The following AGAP1 variants were observed in gnomAD, a reference collection of about 807,000 sequenced individuals.
AGAP1 encodes the protein arf-GAP with GTPase, ANK repeat and PH domain-containing protein 1.
In AGAP1, 29 loss-of-function variants were observed where a neutral mutation model predicts 105.3. The observed-to-expected ratio is 0.28, with a 90% CI of 0.21 to 0.38. The LOEUF (loss-of-function observed/expected upper bound fraction) is 0.38. AGAP1 is among the 10% of genes least tolerant of loss of function. The pLI, the probability that AGAP1 is intolerant of heterozygous loss-of-function variation, is 1.00. For missense variants in AGAP1, 998 were observed against 1,165.1 expected, an observed-to-expected ratio of 0.86 and a Z score of 2.09; for synonymous variants, 509 against 485.9, an observed-to-expected ratio of 1.05 and a Z score of -0.63.
chr2:235,955,609 G>GA (rs1476613832), intron 12 of AGAP1, among the ~76,000 whole-genome samples: 4 of 152,188 alleles, frequency 2.6e-5, no homozygotes, highest in Non-Finnish European at 5.9e-5. Flanking sequence ...TGTTAAAGAA[G>GA]AAAAGAATCC....
At chr2:235,698,662 C>T (rs1003159063) in intron 1 of AGAP1, among the ~76,000 whole-genome samples, 1 of 152,182 alleles carries the variant, frequency 6.6e-6, no homozygotes, top group African/African-American at 2.4e-5. Context: ...CAATGTTCTA[C>T]CGCTTCTTAG....
chr2:236,111,007 G>T (rs2059625824), intron 16 of AGAP1, among the ~76,000 whole-genome samples: 1 of 152,098 alleles, frequency 6.6e-6, no homozygotes, highest in South Asian at 2.1e-4. Context: ...AGCCCCCTCG[G>T]GCCTCTTTTA....
At chr2:235,920,542 TG>T (rs1230943304) in intron 11 of AGAP1, among the ~76,000 whole-genome samples, 3 of 152,098 alleles carry the variant, frequency 2.0e-5, no homozygotes, top group Admixed American at 6.5e-5. Context: ...TGCTGGAAGA[TG>T]GGGGGTGCCG....
intron 1 of AGAP1, among the ~76,000 whole-genome samples, chr2:235,707,523 G>A (rs1950602719): frequency 1.1e-5 from 1 of 94,180 alleles, no homozygotes; most frequent in African/African-American, 3.9e-5. Context: ...CCCCCACTCT[G>A]TGACCTGGTG....
chr2:235,925,196 G>A (rs1023089301), intron 11 of AGAP1, among the ~76,000 whole-genome samples: 1 of 152,120 alleles, frequency 6.6e-6, no homozygotes, highest in Admixed American at 6.5e-5. Context: ...TGGTGAATTA[G>A]GACCACTTGT....
At position 235,662,638 on chromosome 2, in the gene AGAP1, CTGGG is replaced by C. The variant is rs1233953294; in HGVS notation, c.164-46540_164-46537del. Reference sequence around the variant, plus strand: ...TTTTCTGCCTCAGCCTCCCAAGTAGCTGGGATTACAGGTGTGTGCCACCACACCT... The same window carrying C: ...TTTTCTGCCTCAGCCTCCCAAGTAGCATTACAGGTGTGTGCCACCACACCT... On this transcript the variant is annotated intron_variant, in intron 1 of 17. Transcript: ENST00000304032. This position sits in a 1 kb window ranked among gnomAD's most constrained non-coding sequence, Gnocchi z 4.2. Among the ~76,000 whole-genome samples, 1 of 151,690 alleles carries C rather than the reference CTGGG, an allele frequency of 6.6e-6. No homozygotes were observed. The highest frequency in any genetic ancestry group is 1.9e-4 in the East Asian group (1 of 5,152).
At chr2:235,715,580 A>G (rs930592326) in intron 2 of AGAP1, among the ~76,000 whole-genome samples, 1 of 152,290 alleles carries the variant, frequency 6.6e-6, no homozygotes, top group East Asian at 1.9e-4. Context: ...GGAAGGAGAC[A>G]GTTTGTTCCT....
Position 235,741,567 on chromosome 2 carries a change from T to C in AGAP1, c.396+519T>C, listed in dbSNP as rs192197642. Among the ~76,000 whole-genome samples the C allele has an allele frequency of 1.1e-4, 17 of 152,326 alleles. No homozygotes were observed. The highest frequency in any genetic ancestry group is 2.6e-4 in the Admixed American group (4 of 15,308). Reference sequence around the variant, plus strand: ...CCGGTATGAAGCATATTATGATTTCTTTGGAAGTTCCTGGAAAGATGGTCA... The same window carrying C: ...CCGGTATGAAGCATATTATGATTTCCTTGGAAGTTCCTGGAAAGATGGTCA... On this transcript the variant is annotated intron_variant, in intron 4 of 17. Coordinates refer to ENST00000304032, the MANE Select transcript of AGAP1 (RefSeq NM_001037131.3). This position sits in a 1 kb window ranked among gnomAD's most constrained non-coding sequence, Gnocchi z 4.9.
Position 236,009,778 on chromosome 2 carries a change from T to G in AGAP1, c.1646-26783T>G, listed in dbSNP as rs1426442461. 6.6e-6 allele frequency among the ~76,000 whole-genome samples: 1 copy of G among 152,208 alleles called. No individual in the cohort carries two copies. The highest frequency in any genetic ancestry group is 1.5e-5 in the Non-Finnish European group (1 of 68,028). On this transcript the variant is annotated intron_variant, in intron 13 of 17. Transcript: ENST00000304032. The surrounding 1 kb of genome is among the most constrained non-coding windows in gnomAD (Gnocchi z 4.2). ...CCCTGCTCGGTTCACGCCAAGGATG[T>G]AATTCATGCACACTTGGACGTCCAA... is the stretch of plus-strand genomic sequence containing the variant.
At chr2:235,591,669 G>T (rs150330828) in intron 1 of AGAP1, among the ~76,000 whole-genome samples, 1 of 152,176 alleles carries the variant, frequency 6.6e-6, no homozygotes, top group Non-Finnish European at 1.5e-5. Flanking sequence ...CCTAGTGCAG[G>T]TGCTTGGGTC....
Position 235,908,202 on chromosome 2 carries a change from G to A in AGAP1, c.1156-536G>A, listed in dbSNP as rs184098205. On this transcript the variant is annotated intron_variant, in intron 10 of 17. Coordinates refer to ENST00000304032, the MANE Select transcript of AGAP1 (RefSeq NM_001037131.3). This position sits in a 1 kb window ranked among gnomAD's most constrained non-coding sequence, Gnocchi z 4.4. ...TTGCTGCTGGTCATTTGCTTCCAAG[G>A]CCTAGAAAGCCAGATACCCCTTGGA... Among the ~76,000 whole-genome samples, 577 of 152,210 alleles carry A rather than the reference G, an allele frequency of 3.8e-3. 2 individuals are homozygous for A. Among genetic ancestry groups the A allele is most frequent in the Middle Eastern group, 6.8e-3 (2 of 294 alleles).
intron 13 of AGAP1, among the ~76,000 whole-genome samples, chr2:236,033,755 A>C (rs1162436421): frequency 6.6e-6 from 1 of 152,244 alleles, no homozygotes; most frequent in African/African-American, 2.4e-5. Flanking sequence ...CATACAGTGT[A>C]ATACAAGCTC....
At chr2:236,106,224 T>C (rs2059486933) in intron 16 of AGAP1, among the ~76,000 whole-genome samples, 1 of 152,254 alleles carries the variant, frequency 6.6e-6, no homozygotes, top group South Asian at 2.1e-4. Flanking sequence ...GGAGAGGACC[T>C]TGGTTTTAGA....
At chr2:235,670,750 C>A in intron 1 of AGAP1, 1 of 996,622 alleles carries the variant, frequency 1.0e-6, no homozygotes, top group Non-Finnish European at 1.5e-6. Context: ...GCGAGGTGCT[C>A]AGCAAGAACG....
At chr2:235,585,485 C>T (rs1372429971) in intron 1 of AGAP1, among the ~76,000 whole-genome samples, 3 of 152,182 alleles carry the variant, frequency 2.0e-5, no homozygotes, top group Non-Finnish European at 2.9e-5. Flanking sequence ...GGCTTTGCCC[C>T]GTGGAGCCAC....
intron 1 of AGAP1, among the ~76,000 whole-genome samples, chr2:235,511,363 T>G (rs1446112101): frequency 6.6e-6 from 1 of 152,058 alleles, no homozygotes; most frequent in Non-Finnish European, 1.5e-5. Context: ...GGACACCTGG[T>G]TCCCTGGGGT....
intron 13 of AGAP1, among the ~76,000 whole-genome samples, chr2:235,990,578 C>T (rs1001059937): frequency 1.3e-5 from 2 of 152,212 alleles, no homozygotes; most frequent in Admixed American, 6.5e-5. Context: ...AACATGGTGG[C>T]TGGGTTCCAA....
rs2051228634 is a variant in AGAP1, at chr2:235,904,890, A to C, written c.1156-3848A>C. ...CTGAGTCGGAGGGCTTTTATTGAGT[A>C]GGAAATGCATTTTGTAAAATTTTTA... is the stretch of plus-strand genomic sequence containing the variant. On this transcript the variant is annotated intron_variant, in intron 10 of 17. Transcript: ENST00000304032. The surrounding 1 kb of genome is among the most constrained non-coding windows in gnomAD (Gnocchi z 4.2). Among the ~76,000 whole-genome samples, 1 of 152,180 alleles carries C rather than the reference A, an allele frequency of 6.6e-6. No individual in the cohort carries two copies. The highest frequency in any genetic ancestry group is 1.5e-5 in the Non-Finnish European group (1 of 68,020).
At chr2:236,103,992 G>T (rs2059423795) in intron 16 of AGAP1, among the ~76,000 whole-genome samples, 1 of 152,236 alleles carries the variant, frequency 6.6e-6, no homozygotes, top group South Asian at 2.1e-4. Flanking sequence ...TCCTTACTAT[G>T]TCCCTGAGAT....
Sources: gnomAD v4.1 joint callset for allele counts (sites outside exome capture counted in the v4.1 genomes callset) on GRCh38, gnomAD v4.1.1 for gene constraint, Gnocchi (gnomAD v3.1) non-coding constraint, MANE v1.5 for transcripts, NCBI Gene and HGNC (gene_info 2026-07-23, HGNC 2026-07-21) for gene names.